The following MACROD2 variants were observed in gnomAD, a reference collection of about 807,000 sequenced individuals.
MACROD2 encodes the protein mono-ADP ribosylhydrolase 2.
In MACROD2, 36 loss-of-function variants were observed where a neutral mutation model predicts 70.4. The ratio of observed to expected loss-of-function variants is 0.51; its 90% CI spans 0.39 to 0.68. The LOEUF (loss-of-function observed/expected upper bound fraction) is 0.68. Ranked by LOEUF, MACROD2 falls within the 30% of genes least tolerant of loss-of-function variation. The pLI is 0.00. For synonymous variants in MACROD2, 172 were observed against 178.8 expected, an observed-to-expected ratio of 0.96 and a Z score of 0.30; for missense variants, 496 against 538.4, an observed-to-expected ratio of 0.92 and a Z score of 0.78.
At chr20:15,678,422 T>C (rs569864518) in intron 8 of MACROD2, among the ~76,000 whole-genome samples, 1,821 of 151,398 alleles carry the variant, frequency 0.012, 31 homozygotes, top group African/African-American at 0.043. Flanking sequence ...TGCAGTGGCA[T>C]GATCTCGGCT....
At chr20:14,345,755 A>G (rs1261065381) in intron 3 of MACROD2, among the ~76,000 whole-genome samples, 3 of 150,934 alleles carry the variant, frequency 2.0e-5, no homozygotes, top group Non-Finnish European at 4.4e-5. Flanking sequence ...TATAAGGACA[A>G]CAAGTTGTTC....
At chr20:14,247,338 A>G (rs749781847) in intron 3 of MACROD2, among the ~76,000 whole-genome samples, 3 of 152,136 alleles carry the variant, frequency 2.0e-5, no homozygotes, top group Non-Finnish European at 4.4e-5. Context: ...AGCGCTAACA[A>G]AACATGTTAT....
intron 5 of MACROD2, among the ~76,000 whole-genome samples, chr20:14,739,173 C>T (rs2071703624): frequency 6.6e-6 from 1 of 151,940 alleles, no homozygotes; most frequent in Non-Finnish European, 1.5e-5. Flanking sequence ...CAAAAATAAT[C>T]TTACTCTTGC....
rs147817137 is a variant in MACROD2, at chr20:15,257,767, A to G, written c.540+27706A>G. On this transcript the variant is annotated intron_variant, in intron 6 of 17. Coordinates refer to ENST00000684519, the MANE Select transcript of MACROD2 (RefSeq NM_001351661.2). Reference sequence around the variant, plus strand: ...TATTATTGTTTTACGAATTTGCTATACTTCTTATCACTACTTTAGAGTATA... The same window carrying G: ...TATTATTGTTTTACGAATTTGCTATGCTTCTTATCACTACTTTAGAGTATA... 4.5e-3 allele frequency among the ~76,000 whole-genome samples: 682 copies of G among 152,214 alleles called. 5 individuals carry two copies. The highest frequency in any genetic ancestry group is 0.016 in the African/African-American group (651 of 41,554).
chr20:14,250,471 C>T (rs753996325), intron 3 of MACROD2, among the ~76,000 whole-genome samples: 7 of 152,180 alleles, frequency 4.6e-5, no homozygotes, highest in East Asian at 1.9e-4. Flanking sequence ...ATGCTACTAC[C>T]GAAAAGTGGA....
intron 5 of MACROD2, among the ~76,000 whole-genome samples, chr20:14,986,218 T>C (rs2074847555): frequency 6.6e-6 from 1 of 152,166 alleles, no homozygotes; most frequent in African/African-American, 2.4e-5. Context: ...TCTTTTTTGG[T>C]TTTGATTTCA....
intron 7 of MACROD2, among the ~76,000 whole-genome samples, chr20:15,487,068 C>T (rs1235829049): frequency 6.6e-6 from 1 of 152,188 alleles, no homozygotes; most frequent in East Asian, 1.9e-4. Flanking sequence ...CGGACATTCT[C>T]TTTCCATACC....
chr20:14,024,690 G>A (rs2053134677), intron 2 of MACROD2, among the ~76,000 whole-genome samples: 1 of 152,182 alleles, frequency 6.6e-6, no homozygotes, highest in African/African-American at 2.4e-5. Flanking sequence ...ATTTGCATAT[G>A]TTGAACCAGC....
chr20:15,930,746 C>T (rs1212178998), intron 10 of MACROD2, among the ~76,000 whole-genome samples: 1 of 152,124 alleles, frequency 6.6e-6, no homozygotes, highest in Non-Finnish European at 1.5e-5. Context: ...GGGTAGCACA[C>T]AAGGAACTAA....
chr20:14,694,599 A>G (rs2071100395), intron 5 of MACROD2, among the ~76,000 whole-genome samples: 1 of 152,210 alleles, frequency 6.6e-6, no homozygotes, highest in African/African-American at 2.4e-5. Flanking sequence ...AATTTGTAGT[A>G]ATATTGCAAG....
intron 4 of MACROD2, among the ~76,000 whole-genome samples, chr20:14,572,550 A>C (rs1009654790): frequency 6.6e-6 from 1 of 152,164 alleles, no homozygotes; most frequent in South Asian, 2.1e-4. Flanking sequence ...ATGAAAATGA[A>C]TAGTCTCTAA....
At chr20:14,884,890 A>G (rs571519786) in intron 5 of MACROD2, among the ~76,000 whole-genome samples, 40 of 152,252 alleles carry the variant, frequency 2.6e-4, no homozygotes, top group South Asian at 1.0e-3. Flanking sequence ...CCTTCTATTC[A>G]TTCCAGGTAT....
At chr20:14,451,425 T>G (rs1315215163) in intron 3 of MACROD2, among the ~76,000 whole-genome samples, 2 of 152,052 alleles carry the variant, frequency 1.3e-5, no homozygotes, top group Non-Finnish European at 2.9e-5. Context: ...CTCCAGCCTG[T>G]GACAGAGAGA....
chr20:15,584,239 A>AT, intron 8 of MACROD2, among the ~76,000 whole-genome samples: 1 of 152,134 alleles, frequency 6.6e-6, no homozygotes. Context: ...GTTTACATGT[A>AT]TTTTTTAAAA....
chr20:15,825,457 C>T (rs1408403974), intron 8 of MACROD2, among the ~76,000 whole-genome samples: 2 of 151,832 alleles, frequency 1.3e-5, no homozygotes, highest in Non-Finnish European at 2.9e-5. Context: ...GAACTCAGTC[C>T]ACCCATCCAA....
intron 7 of MACROD2, among the ~76,000 whole-genome samples, chr20:15,473,108 G>A: frequency 6.6e-6 from 1 of 152,100 alleles, no homozygotes; most frequent in East Asian, 1.9e-4. Context: ...TACTAGCTGT[G>A]TGGCCTTAAA....
chr20:14,740,128 C>G (rs899640948), intron 5 of MACROD2, among the ~76,000 whole-genome samples: 30 of 152,006 alleles, frequency 2.0e-4, no homozygotes, highest in African/African-American at 3.4e-4. Flanking sequence ...CTTTATGAAA[C>G]AAAAACCAAA....
intron 3 of MACROD2, among the ~76,000 whole-genome samples, chr20:14,231,020 A>G (rs1286950359): frequency 2.0e-5 from 3 of 151,732 alleles, no homozygotes; most frequent in Non-Finnish European, 4.4e-5. Flanking sequence ...AGTAAGTCTC[A>G]ATAGTAATCT....
intron 8 of MACROD2, among the ~76,000 whole-genome samples, chr20:15,742,881 G>T (rs2051125392): frequency 6.6e-6 from 1 of 152,182 alleles, no homozygotes; most frequent in Admixed American, 6.5e-5. Context: ...CAGCTCCCTA[G>T]GGTATGTCCA....
Sources: gnomAD v4.1 joint callset for allele counts (sites outside exome capture counted in the v4.1 genomes callset) on GRCh38, gnomAD v4.1.1 for gene constraint, MANE v1.5 for transcripts, NCBI Gene and HGNC (gene_info 2026-07-23, HGNC 2026-07-21) for gene names.